ASMTL: variants seen among roughly 807,000 people sequenced by gnomAD.
ASMTL encodes acetylserotonin O-methyltransferase like, also known as probable bifunctional dTTP/UTP pyrophosphatase/methyltransferase protein.
ASMTL carries 57 observed loss-of-function variants against 60.3 expected under a neutral mutation model. The observed-to-expected ratio is 0.95, with a 90% confidence interval of 0.76 to 1.18. The LOEUF (loss-of-function observed/expected upper bound fraction) is 1.18, where lower values mean the gene tolerates loss of function less well. ASMTL is among the 50% of genes most tolerant of loss of function. The probability of loss-of-function intolerance (pLI) is 0.00; values close to 1 mark genes in which losing one functional copy is unlikely to be tolerated. For synonymous variants in ASMTL, 419 were observed against 373.0 expected (o/e 1.12, Z -1.42); for missense variants, 981 against 852.6 (o/e 1.15, Z -1.88).
At chrX:1,413,208 C>A in intron 11 of ASMTL, 1 of 233,068 alleles carries the variant, frequency 4.3e-6, no homozygotes, top group East Asian at 8.7e-5. Context: ...ACTAAAAATG[C>A]AAATTAGCTG....
chrX:1,440,302 G>C (rs1292435257), intron 2 of ASMTL, among the ~76,000 whole-genome samples: 1 of 151,994 alleles, frequency 6.6e-6, no homozygotes, highest in African/African-American at 2.4e-5. Context: ...GTGTGAGCCA[G>C]GATGGTCTTG....
At chrX:1,412,237 T>G (rs1239816419) in intron 12 of ASMTL, among the ~76,000 whole-genome samples, 16 of 151,862 alleles carry the variant, frequency 1.1e-4, no homozygotes, top group African/African-American at 3.6e-4. Context: ...GTTGTGGTTG[T>G]TCTTTTTTGA....
chrX:1,427,009 G>A (rs73180946), intron 7 of ASMTL, among the ~76,000 whole-genome samples: 94,886 of 147,760 alleles, frequency 0.64, 31,387 homozygotes, highest in East Asian at 0.83. Flanking sequence ...ACAAAAAAAA[G>A]AGAAAAAGAA....
In ASMTL at chrX:1,449,994, C is replaced by T. The variant is rs369281974; in HGVS notation, c.93+2754G>A. On this transcript the variant is annotated intron_variant, in intron 1 of 12. Coordinates refer to ENST00000381317, the MANE Select transcript of ASMTL (RefSeq NM_004192.4). ...AACTATCCCTCATCACCGGTAACTA[C>T]GCCCCATCACCAGTAACTATCTCCC... Among the ~76,000 whole-genome samples, 263 of 149,840 alleles carry T rather than the reference C, an allele frequency of 1.8e-3. 2 individuals carry two copies. Among genetic ancestry groups the T allele is most frequent in the African/African-American group, 5.4e-3 (221 of 40,796 alleles).
Position 1,419,005 on chromosome X carries a change from A to C in ASMTL, c.1355T>G (p.Phe452Cys). ...ACCTCCCACGTCGCAGGCGGAGGAGAAGCGGGACAGATTGAAGGCCGTGGC... is the reference window on the plus strand; with the variant it reads ...ACCTCCCACGTCGCAGGCGGAGGAGCAGCGGGACAGATTGAAGGCCGTGGC... ...QVATAFNLSR[F>C]SSACDVGGCT... is the part of the protein sequence containing the mutation. The change falls in exon 10 of 13, where the codon TTC becomes TGC. Residue 452 changes from phenylalanine to cysteine, a missense_variant. Phe to Cys is a radical substitution (Grantham distance 205, BLOSUM62 -2). Transcript: ENST00000381317. 6.2e-7 allele frequency: 1 copy of C among 1,611,870 alleles called. No homozygotes were observed. Among genetic ancestry groups the C allele is most frequent in the East Asian group, 2.2e-5 (1 of 44,884 alleles).
intron 2 of ASMTL, among the ~76,000 whole-genome samples, chrX:1,440,365 C>T (rs1193038425): frequency 6.6e-6 from 1 of 152,036 alleles, no homozygotes; most frequent in Non-Finnish European, 1.5e-5. Flanking sequence ...GCTGGGATGA[C>T]AGGTGTGAGC....
Position 1,421,674 on chromosome X carries a change from G to A in ASMTL, c.1229C>T (p.Ala410Val), listed in dbSNP as rs766276353. ...NQHHRALGKK[A>V]EDLFQDAYYQ... The stretch of plus-strand genomic sequence containing the variant: ...TTATGCTACCTGGAACAGATCTTCC[G>A]CCTTCTTCCCCAACGCCCTGTGGTG... The change falls in exon 9 of 13, where the codon GCG becomes GTG. Residue 410 changes from alanine to valine, a missense_variant. Transcript: ENST00000381317. 3.7e-5 allele frequency: 60 copies of A among 1,613,746 alleles called. No homozygotes were observed. Among genetic ancestry groups the A allele is most frequent in the South Asian group, 6.6e-5 (6 of 91,068 alleles).
At chrX:1,414,217 T>G (rs1480212968) in intron 11 of ASMTL, among the ~76,000 whole-genome samples, 1 of 151,738 alleles carries the variant, frequency 6.6e-6, no homozygotes, top group Non-Finnish European at 1.5e-5. Context: ...GCAGGAAGGA[T>G]CCTCCCCTAG....
In ASMTL at chrX:1,412,803, C is replaced by A; in HGVS notation, c.1574G>T (p.Arg525Leu). The change falls in exon 12 of 13, where the codon CGG becomes CTG. Residue 525 changes from arginine (R) to leucine (L), a missense_variant. Physicochemically the swap from Arg to Leu is moderately radical, Grantham distance 102. Coordinates refer to ENST00000381317, the MANE Select transcript of ASMTL (RefSeq NM_004192.4). Reference protein sequence around the residue: ...LPSAELYVLCRILHDWPDDKV... With the variant: ...LPSAELYVLCLILHDWPDDKV... The stretch of plus-strand genomic sequence containing the variant: ...GTCGTCTGGCCAGTCATGCAGGATC[C>A]GGCACAGGACGTACAGCTCAGCGCT... 1 of 1,613,938 alleles carries A rather than the reference C, an allele frequency of 6.2e-7. No individual in the cohort carries two copies. The highest frequency in any genetic ancestry group is 8.5e-7 in the Non-Finnish European group (1 of 1,179,858).
chrX:1,440,152 C>A (rs1295690345), intron 2 of ASMTL, among the ~76,000 whole-genome samples: 1 of 151,198 alleles, frequency 6.6e-6, no homozygotes, highest in Non-Finnish European at 1.5e-5. Context: ...AGTGGCGCGA[C>A]CTCGGCTCAC....
intron 12 of ASMTL, among the ~76,000 whole-genome samples, chrX:1,406,571 T>TGGA (rs747365681): frequency 0.16 from 23,427 of 149,708 alleles, 2,009 homozygotes; most frequent in African/African-American, 0.23. Context: ...GATGGATAGA[T>TGGA]GGCATGGATG....
At chrX:1,446,337 C>T (rs1306427375) in intron 1 of ASMTL, among the ~76,000 whole-genome samples, 9 of 151,874 alleles carry the variant, frequency 5.9e-5, no homozygotes, top group Non-Finnish European at 8.8e-5. Context: ...GCCTGGCATT[C>T]GGGACCACCA....
In ASMTL at chrX:1,427,989, C is replaced by A; in HGVS notation, c.642G>T (p.Pro214=). Residue 214 remains proline, a synonymous_variant, in exon 7 of 13, where the codon CCG becomes CCT. Coordinates refer to ENST00000381317, the MANE Select transcript of ASMTL (RefSeq NM_004192.4). ...TCCGCCGCAGGTCCTCCGGACGGGG[C>A]GGGTAGTAGAGCTTCACCAGCTGCT... ...FCKQLVKLYY[P]PRPEDLRRSV... is the part of the protein sequence containing the mutation. The A allele has an allele frequency of 6.2e-7, 1 of 1,613,566 alleles. No homozygotes were observed. The highest frequency in any genetic ancestry group is 8.5e-7 in the Non-Finnish European group (1 of 1,179,834).
At position 1,403,196 on chromosome X, in the gene ASMTL, G is replaced by A; in HGVS notation, c.*73C>T. 1.6e-6 allele frequency: 2 copies of A among 1,249,348 alleles called. No individual in the cohort carries two copies. The highest frequency in any genetic ancestry group is 2.3e-5 in the East Asian group (1 of 42,614). 77.4% of individuals were successfully genotyped at this position (1,249,348 alleles called of 1,614,324 possible). On this transcript the variant is annotated 3_prime_UTR_variant, in exon 13 of 13. Coordinates refer to ENST00000381317, the MANE Select transcript of ASMTL (RefSeq NM_004192.4). ...ACACGCTCCTATGTGACTGTCCTAT[G>A]GTACTTGGGGACCGGGCGGTCCACC...
intron 1 of ASMTL, among the ~76,000 whole-genome samples, chrX:1,445,252 G>T (rs1351303434): frequency 6.6e-6 from 1 of 152,034 alleles, no homozygotes; most frequent in Non-Finnish European, 1.5e-5. Context: ...AGGATTCTGG[G>T]TCTCTGTCTT....
chrX:1,452,632 C>A lies in ASMTL; in HGVS notation c.93+116G>T, dbSNP rs758421991. On this transcript the variant is annotated intron_variant, in intron 1 of 12. Transcript: ENST00000381317. ...CGGGACACTCTCCCCTCCCCCATCC[C>A]TAAGGGTCTCGGGTCACTCTCCCAT... is the stretch of plus-strand genomic sequence containing the variant. The A allele has an allele frequency of 4.7e-5, 39 of 835,398 alleles. 1 individual carries two copies. In the South Asian group the frequency reaches 5.8e-4, roughly 13 times the overall value. The allele number at this position is 835,398 out of a possible 1,614,324, so 51.7% of individuals were successfully genotyped here.
Position 1,412,867 on chromosome X carries a change from CA to C in ASMTL, c.1523-14del, listed in dbSNP as rs778872017. On this transcript the variant is annotated splice_polypyrimidine_tract_variant and intron_variant, in intron 11 of 12. Transcript: ENST00000381317. ...CTGAAAAAGTCACCTGGTTTAAAGA[CA>C]AAACGAGATACGTCCGTCAGGTATG... The C allele has an allele frequency of 1.2e-5, 20 of 1,613,648 alleles. No homozygotes were observed. The highest frequency in any genetic ancestry group is 1.7e-5 in the Non-Finnish European group (20 of 1,179,786).
At position 1,412,743 on chromosome X, in the gene ASMTL, C is replaced by G. The variant is rs200400988; in HGVS notation, c.1634G>C (p.Ser545Thr). 1 of 1,614,008 alleles carries G rather than the reference C, an allele frequency of 6.2e-7. No individual in the cohort carries two copies. The highest frequency in any genetic ancestry group is 8.5e-7 in the Non-Finnish European group (1 of 1,179,864). The stretch of plus-strand genomic sequence containing the variant: ...CGATGGGCTCTCACCTGGCTTGCAG[C>G]TCTCGGCGACCCTGCTGAGTAACTT... Reference protein sequence around the residue: ...VHKLLSRVAESCKPGAGLLLV... With the variant: ...VHKLLSRVAETCKPGAGLLLV... Residue 545 changes from serine to threonine, a missense_variant, in exon 12 of 13, where the codon AGC becomes ACC. Ser to Thr is a moderately conservative substitution (Grantham distance 58). Coordinates refer to ENST00000381317, the MANE Select transcript of ASMTL (RefSeq NM_004192.4).
intron 12 of ASMTL, among the ~76,000 whole-genome samples, chrX:1,412,187 C>A (rs1329785343): frequency 1.3e-5 from 2 of 152,032 alleles, no homozygotes; most frequent in African/African-American, 4.8e-5. Flanking sequence ...AGACGCTGGA[C>A]CTGCCAACCT....
Sources: gnomAD v4.1 joint callset for allele counts (sites outside exome capture counted in the v4.1 genomes callset) on GRCh38, gnomAD v4.1.1 for gene constraint, MANE v1.5 for transcripts, NCBI Gene and HGNC (gene_info 2026-07-23, HGNC 2026-07-21) for gene names.